FBXO10: variants seen among roughly 807,000 people sequenced by gnomAD.
The protein encoded by FBXO10 is F-box protein 10.
In FBXO10, 39 loss-of-function variants were observed where a neutral mutation model predicts 80.7. That is an observed-to-expected ratio of 0.48 (90% confidence interval 0.37 to 0.63). The LOEUF (loss-of-function observed/expected upper bound fraction) is 0.63. FBXO10 is among the 30% of genes least tolerant of loss of function. The pLI, the probability that FBXO10 is intolerant of heterozygous loss-of-function variation, is 0.00. For missense variants in FBXO10, 1,025 were observed against 1,269.0 expected (o/e 0.81, Z 2.92); for synonymous variants, 449 against 489.6 (o/e 0.92, Z 1.09).
intron 3 of FBXO10, among the ~76,000 whole-genome samples, chr9:37,535,283 A>G (rs1302122693): frequency 6.6e-6 from 1 of 152,180 alleles, no homozygotes; most frequent in Non-Finnish European, 1.5e-5. Context: ...CCTACATGAG[A>G]TATCTGACTT....
At chr9:37,518,971 G>A (rs1038292581) in intron 8 of FBXO10, among the ~76,000 whole-genome samples, 5 of 150,930 alleles carry the variant, frequency 3.3e-5, no homozygotes, top group Admixed American at 1.3e-4. Flanking sequence ...GTGCGGTGGC[G>A]CCATCTCGGC....
At chr9:37,566,415 AC>A (rs1287359465) in intron 1 of FBXO10, among the ~76,000 whole-genome samples, 1 of 149,524 alleles carries the variant, frequency 6.7e-6, no homozygotes, top group African/African-American at 2.5e-5. Flanking sequence ...CTGAGATCAC[AC>A]CACTGCACTG....
intron 6 of FBXO10, 31 bp downstream of exon 6, chr9:37,525,071 C>T (rs1276685787): frequency 6.5e-7 from 1 of 1,550,336 alleles, no homozygotes; most frequent in Non-Finnish European, 8.7e-7. Flanking sequence ...CTTGGCCTGG[C>T]TGCCAGGTGC....
intron 1 of FBXO10, among the ~76,000 whole-genome samples, chr9:37,556,129 A>AG (rs1245166305): frequency 6.6e-6 from 1 of 152,214 alleles, no homozygotes; most frequent in African/African-American, 2.4e-5. Context: ...TTCAAAAAAA[A>AG]CAAACAATGG....
chr9:37,524,988 A>C lies in FBXO10; in HGVS notation c.1777+114T>G, dbSNP rs1047033627. On this transcript the variant is annotated intron_variant, in intron 6 of 10. Transcript: ENST00000432825. ...CCCTGAGCTCCAGCCCACCAGTCAG[A>C]GAAAGAGGCCATAGTCTGTGGGGGT... 1.5e-5 allele frequency: 13 copies of C among 887,958 alleles called. No individual in the cohort carries two copies. The East Asian group carries it at 3.5e-4, about 24-fold the overall frequency. The allele number at this position is 887,958 out of a possible 1,614,324, so 55.0% of individuals were successfully genotyped here.
intron 3 of FBXO10, 72 bp from the exon 4 acceptor site, chr9:37,532,130 T>C: frequency 1.3e-6 from 2 of 1,495,620 alleles, no homozygotes; most frequent in Non-Finnish European, 9.0e-7. Context: ...GAGGAACACC[T>C]GAGTCTTTTC....
Position 37,537,803 on chromosome 9 carries a change from G to A in FBXO10, c.726C>T (p.Val242=), listed in dbSNP as rs369001352. 13 of 1,613,964 alleles carry A rather than the reference G, an allele frequency of 8.1e-6. No homozygotes were observed. Among genetic ancestry groups the A allele is most frequent in the Non-Finnish European group, 1.1e-5 (13 of 1,179,884 alleles). ...HIFLHNVPLC[V]LENCEFVGSE... is the part of the protein sequence containing the mutation. ...TGCCCACAAATTCACAGTTTTCCAG[G>A]ACACACAGGGGCACGTTGTGCAGGA... Residue 242 remains valine (V), a synonymous_variant, in exon 3 of 11, where the codon GTC becomes GTT. Transcript: ENST00000432825.
Position 37,516,053 on chromosome 9 carries a change from G to C in FBXO10, c.2547C>G (p.Ala849=). The C allele has an allele frequency of 6.2e-7, 1 of 1,613,330 alleles. No homozygotes were observed. Residue 849 remains alanine (A), a synonymous_variant, in exon 10 of 11, where the codon GCC becomes GCG. Transcript: ENST00000432825. ...VIKNRIHSFR[A]YGIAVRGRAK... is the part of the protein sequence containing the mutation. The stretch of plus-strand genomic sequence containing the variant: ...CACGGCCCCGCACGGCGATGCCGTA[G>C]GCCCGGAACGAGTGGATCCGGTTCT...
rs151251293 is a variant in FBXO10 at position 37,538,580 on chromosome 9, C to T, written c.586-637G>A. Among the ~76,000 whole-genome samples the T allele has an allele frequency of 3.1e-3, 478 of 151,968 alleles. 3 individuals carry two copies. The highest frequency in any genetic ancestry group is 0.011 in the African/African-American group (443 of 41,436). ...AAAATTAGCTGGGCGTGGTGGTGTG[C>T]GCCTGTAGTCCCAGCTACTTGGGAG... is the stretch of plus-strand genomic sequence containing the variant. On this transcript the variant is annotated intron_variant, in intron 2 of 10. Transcript: ENST00000432825.
At chr9:37,526,699 C>CA (rs1821480261) in intron 5 of FBXO10, among the ~76,000 whole-genome samples, 1 of 152,100 alleles carries the variant, frequency 6.6e-6, no homozygotes, top group Non-Finnish European at 1.5e-5. Context: ...GGGGAGAATC[C>CA]ACTCCTCATC....
intron 1 of FBXO10, among the ~76,000 whole-genome samples, chr9:37,562,708 T>C (rs776838163): frequency 1.3e-5 from 2 of 152,096 alleles, no homozygotes; most frequent in Non-Finnish European, 2.9e-5. Context: ...ACTCAAATCA[T>C]TAGCAATAGA....
chr9:37,564,688 C>T (rs1157369038), intron 1 of FBXO10, among the ~76,000 whole-genome samples: 1 of 152,232 alleles, frequency 6.6e-6, no homozygotes, highest in Non-Finnish European at 1.5e-5. Flanking sequence ...GGGCCTGTAG[C>T]CCCTTTGGCC....
intron 3 of FBXO10, among the ~76,000 whole-genome samples, chr9:37,533,782 G>A (rs1309356542): frequency 1.3e-5 from 2 of 151,100 alleles, no homozygotes; most frequent in African/African-American, 4.9e-5. Flanking sequence ...TGGGGCAGGA[G>A]AATCGCTTGA....
Position 37,541,314 on chromosome 9 carries a change from G to A in FBXO10, c.455C>T (p.Pro152Leu). Residue 152 changes from proline to leucine, a missense_variant, in exon 2 of 11, where the codon CCT becomes CTT. Pro to Leu is a moderately conservative substitution (Grantham distance 98). Coordinates refer to ENST00000432825, the MANE Select transcript of FBXO10 (RefSeq NM_012166.3). ...EEQGEIILKV[P>L]VEIVGQGKLG... ...CTTCCCCTGCCCTACAATCTCCACA[G>A]GCACCTTCAAGATGATTTCACCTTG... 6.2e-7 allele frequency: 1 copy of A among 1,613,998 alleles called. No individual in the cohort carries two copies. Among genetic ancestry groups the A allele is most frequent in the Non-Finnish European group, 8.5e-7 (1 of 1,179,896 alleles).
At position 37,518,240 on chromosome 9, in the gene FBXO10, T is replaced by C. The variant is rs1349489597; in HGVS notation, c.2399A>G (p.Tyr800Cys). ...GATAATGCCGTGGCCTCTGTTGTCA[T>C]AGATACCATTGCCCCGGAGCTCCAC... Reference protein sequence around the residue: ...CKVELRGNGIYDNRGHGIITK... With the variant: ...CKVELRGNGICDNRGHGIITK... Residue 800 changes from tyrosine to cysteine, a missense_variant, in exon 9 of 11, where the codon TAT (tyrosine) becomes TGT (cysteine). Transcript: ENST00000432825. 6.2e-7 allele frequency: 1 copy of C among 1,614,052 alleles called. No individual in the cohort carries two copies. Among genetic ancestry groups the C allele is most frequent in the Non-Finnish European group, 8.5e-7 (1 of 1,179,888 alleles).
intron 1 of FBXO10, among the ~76,000 whole-genome samples, chr9:37,559,130 C>G (rs1312419032): frequency 6.6e-6 from 1 of 152,168 alleles, no homozygotes; most frequent in Non-Finnish European, 1.5e-5. Context: ...ATCTTTAAGC[C>G]AGACTTAGTA....
intron 8 of FBXO10, among the ~76,000 whole-genome samples, chr9:37,520,519 CTTCTT>C (rs1467171225): frequency 2.0e-4 from 22 of 107,936 alleles, no homozygotes; most frequent in African/African-American, 5.1e-4. Context: ...ACTCCTTCTT[CTTCTT>C]TTTTTTTTTT....
chr9:37,532,024 C>T lies in FBXO10; in HGVS notation c.1454G>A (p.Arg485Gln), dbSNP rs368527795. The change falls in exon 4 of 11, where the codon CGA (arginine) becomes CAA (glutamine). Residue 485 changes from arginine (R) to glutamine (Q), a missense_variant. This residue lies in a region of FBXO10 where 478 missense variants were observed against 667.8 expected (regional missense o/e 0.72). Coordinates refer to ENST00000432825, the MANE Select transcript of FBXO10 (RefSeq NM_012166.3). ...IMLRNDIYRCRASGIFLRLEG... is the reference protein window; with the variant it reads ...IMLRNDIYRCQASGIFLRLEG... ...CAAGCGAAGAAAGATGCCTGACGCTCGGCAGCGGTAAATGTCGTTCCTGAG... is the reference window on the plus strand; with the variant it reads ...CAAGCGAAGAAAGATGCCTGACGCTTGGCAGCGGTAAATGTCGTTCCTGAG... 2.7e-5 allele frequency: 43 copies of T among 1,613,710 alleles called. No homozygotes were observed. The highest frequency in any genetic ancestry group is 1.8e-4 in the Admixed American group (11 of 60,006).
Position 37,525,096 on chromosome 9 carries a change from C to T in FBXO10, c.1777+6G>A. 1 of 1,557,828 alleles carries T rather than the reference C, an allele frequency of 6.4e-7. No homozygotes were observed. Among genetic ancestry groups the T allele is most frequent in the African/African-American group, 1.4e-5 (1 of 73,418 alleles). The stretch of plus-strand genomic sequence containing the variant: ...CTGCCAGGTGCCAGGCAGTTCCCAT[C>T]CGTACCTGTGATGAGGCCTTTGCCG... On this transcript the variant is annotated splice_donor_region_variant and intron_variant, in intron 6 of 10. Coordinates refer to ENST00000432825, the MANE Select transcript of FBXO10 (RefSeq NM_012166.3).
Sources: gnomAD v4.1 joint callset for allele counts (sites outside exome capture counted in the v4.1 genomes callset) on GRCh38, gnomAD v4.1.1 for gene constraint, gnomAD v4.1.1 regional missense constraint, MANE v1.5 for transcripts, NCBI Gene and HGNC (gene_info 2026-07-23, HGNC 2026-07-21) for gene names.